MAML2: variants seen among roughly 807,000 people sequenced by gnomAD.
MAML2 encodes the protein mastermind-like protein 2.
MAML2 carries 22 observed loss-of-function variants against 96.1 expected under a neutral mutation model. The observed-to-expected ratio is 0.23, with a 90% CI of 0.16 to 0.33. The LOEUF (loss-of-function observed/expected upper bound fraction) is 0.33, where lower values mean the gene tolerates loss of function less well. Among genes scored for constraint, MAML2 ranks in the 10% least tolerant of loss-of-function variants. MAML2 has a pLI of 1.00. For missense variants in MAML2, 1,367 were observed against 1,392.4 expected, an observed-to-expected ratio of 0.98 and a Z score of 0.29; for synonymous variants, 561 against 521.3, an observed-to-expected ratio of 1.08 and a Z score of -1.04.
intron 1 of MAML2, among the ~76,000 whole-genome samples, chr11:96,332,955 C>G (rs1863872692): frequency 6.6e-6 from 1 of 152,114 alleles, no homozygotes; most frequent in African/African-American, 2.4e-5. Context: ...CAACAGACTC[C>G]CGGTAAGTTA....
intron 2 of MAML2, among the ~76,000 whole-genome samples, chr11:96,039,531 G>A (rs568972883): frequency 6.6e-6 from 1 of 152,296 alleles, no homozygotes; most frequent in Admixed American, 6.5e-5. Context: ...TGACATTTGA[G>A]CTTTGCATTG....
chr11:96,225,741 G>A (rs1397308746), intron 1 of MAML2, among the ~76,000 whole-genome samples: 1 of 152,010 alleles, frequency 6.6e-6, no homozygotes, highest in Non-Finnish European at 1.5e-5. Flanking sequence ...GCCGAGGCAG[G>A]AGACTCACTT....
chr11:96,272,023 T>C (rs1862922310), intron 1 of MAML2, among the ~76,000 whole-genome samples: 1 of 152,194 alleles, frequency 6.6e-6, no homozygotes, highest in South Asian at 2.1e-4. Flanking sequence ...TTTCCCCTGA[T>C]GTCTGCTTGG....
At chr11:96,212,150 T>TGTGTGG (rs60072122) in intron 1 of MAML2, among the ~76,000 whole-genome samples, 10,066 of 127,406 alleles carry the variant, frequency 0.079, 443 homozygotes, top group Middle Eastern at 0.13. Flanking sequence ...TGTGTGTGTG[T>TGTGTGG]GGAAGGGGGA....
At position 96,341,995 on chromosome 11, in the gene MAML2, T is replaced by G. The variant is rs1864003359; in HGVS notation, c.-100A>C. On this transcript the variant is annotated 5_prime_UTR_variant, in exon 1 of 5. Coordinates refer to ENST00000524717, the MANE Select transcript of MAML2 (RefSeq NM_032427.4). ...TCTGTTTTTGACAATGTGAGCTCAG[T>G]GTTCAGGGCCACATGAATAGAGGTC... The G allele has an allele frequency of 8.3e-7, 1 of 1,200,460 alleles. No homozygotes were observed. The allele number at this position is 1,200,460 out of a possible 1,614,324, so 74.4% of individuals were successfully genotyped here.
chr11:96,223,828 T>C (rs1041652129), intron 1 of MAML2, among the ~76,000 whole-genome samples: 2 of 152,226 alleles, frequency 1.3e-5, no homozygotes, highest in Non-Finnish European at 2.9e-5. Context: ...AATTGGGTTT[T>C]TTCCCAAGCT....
intron 1 of MAML2, among the ~76,000 whole-genome samples, chr11:96,105,278 G>A (rs919992883): frequency 6.6e-6 from 1 of 152,194 alleles, no homozygotes; most frequent in Admixed American, 6.5e-5. Context: ...CCAACAGCAT[G>A]TCTATTGTTT....
chr11:96,080,461 A>G (rs1859513266), intron 2 of MAML2, among the ~76,000 whole-genome samples: 1 of 152,244 alleles, frequency 6.6e-6, no homozygotes, highest in Non-Finnish European at 1.5e-5. Flanking sequence ...AAATTTAAAC[A>G]TGAAGACAGT....
At chr11:96,123,732 C>A (rs1860388970) in intron 1 of MAML2, among the ~76,000 whole-genome samples, 1 of 152,074 alleles carries the variant, frequency 6.6e-6, no homozygotes, top group African/African-American at 2.4e-5. Context: ...GAACAGTGTG[C>A]ACAGATGGGG....
chr11:96,063,588 A>G (rs1443591338), intron 2 of MAML2, among the ~76,000 whole-genome samples: 1 of 152,136 alleles, frequency 6.6e-6, no homozygotes, highest in Non-Finnish European at 1.5e-5. Context: ...ATTACCCATA[A>G]TATGTAATAT....
chr11:96,143,187 T>C (rs1356673913), intron 1 of MAML2, among the ~76,000 whole-genome samples: 2 of 152,158 alleles, frequency 1.3e-5, no homozygotes, highest in Non-Finnish European at 2.9e-5. Context: ...ATTATCAGAG[T>C]GTTCACTGCC....
At chr11:96,316,224 C>G (rs1457324859) in intron 1 of MAML2, among the ~76,000 whole-genome samples, 1 of 152,124 alleles carries the variant, frequency 6.6e-6, no homozygotes, top group Non-Finnish European at 1.5e-5. Context: ...ACTTGCTTGC[C>G]CATTCAAGAA....
intron 1 of MAML2, among the ~76,000 whole-genome samples, chr11:96,214,848 T>G (rs1283810359): frequency 6.6e-6 from 1 of 152,210 alleles, no homozygotes; most frequent in Non-Finnish European, 1.5e-5. Context: ...TGTTTAAAAA[T>G]GCCAAAAATG....
intron 1 of MAML2, among the ~76,000 whole-genome samples, chr11:96,299,081 A>ATATATATATATATATATATATATATATAT (rs1487119307): frequency 2.2e-5 from 3 of 136,398 alleles, no homozygotes; most frequent in African/African-American, 5.5e-5. Context: ...ATATATATAT[A>ATATATATATATATATATATATATATATAT]AAATTTCACC....
intron 1 of MAML2, among the ~76,000 whole-genome samples, chr11:96,142,947 T>G (rs767432104): frequency 3.9e-5 from 6 of 152,212 alleles, no homozygotes; most frequent in Non-Finnish European, 8.8e-5. Context: ...CTAGCTTTTG[T>G]GCAAAAAGAA....
At chr11:96,172,307 A>G (rs1056224920) in intron 1 of MAML2, among the ~76,000 whole-genome samples, 13 of 152,222 alleles carry the variant, frequency 8.5e-5, no homozygotes, top group African/African-American at 2.9e-4. Context: ...AAAAGTGGAT[A>G]CTAAATCTTA....
At position 96,188,362 on chromosome 11, in the gene MAML2, C is replaced by T. The variant is rs542633855; in HGVS notation, c.514-94845G>A. On this transcript the variant is annotated intron_variant, in intron 1 of 4. Coordinates refer to ENST00000524717, the MANE Select transcript of MAML2 (RefSeq NM_032427.4). Reference sequence around the variant, plus strand: ...AAGCCAACACATCTCTCTCTACCCCCATCCTTCCCTGAATAACCTAGATAC... The same window carrying T: ...AAGCCAACACATCTCTCTCTACCCCTATCCTTCCCTGAATAACCTAGATAC... 7.2e-5 allele frequency among the ~76,000 whole-genome samples: 11 copies of T among 152,306 alleles called. No individual in the cohort carries two copies. The East Asian group carries it at 1.5e-3, about 21-fold the overall frequency.
At chr11:96,214,913 C>A (rs1263513589) in intron 1 of MAML2, among the ~76,000 whole-genome samples, 2 of 152,194 alleles carry the variant, frequency 1.3e-5, no homozygotes, top group Non-Finnish European at 2.9e-5. Flanking sequence ...GAAGTAGAGG[C>A]TGAGGATTAG....
chr11:95,985,474 T>C lies in MAML2; in HGVS notation c.2455+57A>G, dbSNP rs1857810241. ...GTGAGTTACAGGGATTATTGAAAAT[T>C]GAAGTTTTTTTTTCCTTTCACAGCT... On this transcript the variant is annotated intron_variant, in intron 4 of 4. Coordinates refer to ENST00000524717, the MANE Select transcript of MAML2 (RefSeq NM_032427.4). The C allele has an allele frequency of 4.0e-6, 4 of 996,034 alleles. No individual in the cohort carries two copies. In the Admixed American group the frequency reaches 1.0e-4, roughly 26 times the overall value. 61.7% of individuals were successfully genotyped at this position (996,034 alleles called of 1,614,324 possible).
Sources: allele counts gnomAD v4.1 joint callset (sites outside exome capture counted in the v4.1 genomes callset), GRCh38; gene constraint gnomAD v4.1.1; transcripts MANE v1.5; gene names NCBI Gene and HGNC (gene_info 2026-07-23, HGNC 2026-07-21).